The following MGAT4D variants were observed in gnomAD, a reference collection of about 807,000 sequenced individuals.
The protein encoded by MGAT4D is alpha-1,3-mannosyl-glycoprotein 4-beta-N-acetylglucosaminyltransferase-like protein MGAT4D.
MGAT4D carries 34 observed loss-of-function variants against 15.9 expected under a neutral mutation model. The observed-to-expected ratio is 2.14, with a 90% CI of 1.62 to 2.84. MGAT4D has a LOEUF of 2.84. MGAT4D is among the 30% of genes most tolerant of loss of function. MGAT4D has a pLI of 0.00. For missense variants in MGAT4D, 327 were observed against 140.2 expected (o/e 2.33, Z -6.73); for synonymous variants, 112 against 48.2 (o/e 2.33, Z -5.49).
At position 140,442,725 on chromosome 4, in the gene MGAT4D, C is replaced by T. The variant is rs1295087926; in HGVS notation, c.*711G>A. 9.2e-5 allele frequency: 14 copies of T among 151,998 alleles called. No homozygotes were observed. Among genetic ancestry groups the T allele is most frequent in the Non-Finnish European group, 2.9e-5 (2 of 67,968 alleles). The allele number at this position is 151,998 out of a possible 1,614,324, so 9.4% of individuals were successfully genotyped here. A position where few individuals can be genotyped will look rare whatever the true frequency, so the allele number is the denominator to read the frequency against. ...TGGAACACAAGGATTCACAACAATT[C>T]TCAAAATTTTATCACACAGGTAAAG... On this transcript the variant is annotated 3_prime_UTR_variant, in exon 11 of 11. Coordinates refer to ENST00000511113, the MANE Select transcript of MGAT4D (RefSeq NM_001277353.2).
chr4:140,481,134 C>G (rs1272572698), intron 2 of MGAT4D, among the ~76,000 whole-genome samples: 1 of 151,802 alleles, frequency 6.6e-6, no homozygotes, highest in East Asian at 1.9e-4. Flanking sequence ...ATAGAGAGAC[C>G]CCATCTCTAC....
chr4:140,446,746 T>G lies in MGAT4D; in HGVS notation c.1117-3302A>C, dbSNP rs1446941535. 2.6e-4 allele frequency among the ~76,000 whole-genome samples: 16 copies of G among 61,420 alleles called. No individual in the cohort carries two copies. In the East Asian group the frequency reaches 4.8e-3, roughly 18 times the overall value. 40.3% of individuals were successfully genotyped at this position (61,420 alleles called of 152,430 possible). On this transcript the variant is annotated intron_variant, in intron 10 of 10. Coordinates refer to ENST00000511113, the MANE Select transcript of MGAT4D (RefSeq NM_001277353.2). ...CTGGTTTGCTTTTGCTTCTCTAGTT[T>G]TTTTTTTTTTTTTTTTTTTTTTTTT...
chr4:140,471,804 TA>T lies in MGAT4D; in HGVS notation c.542del (p.Leu181TyrfsTer7), dbSNP rs1731982067. ...VLVADSNEDY[L>X]HSVVKMITKK... ...TTGTAATCATTTTAACAACAGAATG[TA>T]AATAATCTTCATTACTCTAAAAATG... On this transcript the variant is annotated frameshift_variant, in exon 5 of 11. Transcript: ENST00000511113. LOFTEE classifies it high-confidence loss of function. 2.0e-6 allele frequency: 1 copy of T among 497,276 alleles called. No individual in the cohort carries two copies. Among genetic ancestry groups the T allele is most frequent in the South Asian group, 2.3e-5 (1 of 43,322 alleles). The allele number at this position is 497,276 out of a possible 1,614,324, so 30.8% of individuals were successfully genotyped here.
intron 5 of MGAT4D, among the ~76,000 whole-genome samples, chr4:140,468,226 C>T (rs889676740): frequency 2.6e-5 from 4 of 151,976 alleles, no homozygotes; most frequent in African/African-American, 9.7e-5. Flanking sequence ...ATATAATTAT[C>T]ACCACTAGAA....
chr4:140,474,638 C>A (rs1431633388), intron 4 of MGAT4D, among the ~76,000 whole-genome samples, 175 bp downstream of exon 4: 2 of 152,112 alleles, frequency 1.3e-5, no homozygotes, highest in Non-Finnish European at 2.9e-5. Context: ...TCCTTCTCAG[C>A]AGTATCGAAG....
intron 7 of MGAT4D, among the ~76,000 whole-genome samples, chr4:140,461,241 A>G (rs1731151502): frequency 6.6e-6 from 1 of 152,188 alleles, no homozygotes; most frequent in African/African-American, 2.4e-5. Context: ...GCCACTAACT[A>G]GGAATCAAAA....
rs1405942445 is a variant in MGAT4D, at chr4:140,498,131, GT to G, written c.91del (p.Thr31ProfsTer5). On this transcript the variant is annotated frameshift_variant, in exon 1 of 11. Transcript: ENST00000511113. LOFTEE classifies it high-confidence loss of function. ...CGGGAGGAGGGCCCGCCGCTTACTGGTTTGAGTTATCCTGTAGATGGAGAAG... is the reference window on the plus strand; with the variant it reads ...CGGGAGGAGGGCCCGCCGCTTACTGGTTGAGTTATCCTGTAGATGGAGAAG... Reference protein sequence around the residue: ...SCFSIYRITQTNNQLINCRNH... With the variant: ...SCFSIYRITQXNNQLINCRNH... 2 of 700,640 alleles carry G rather than the reference GT, an allele frequency of 2.9e-6. No homozygotes were observed. The highest frequency in any genetic ancestry group is 5.2e-6 in the Non-Finnish European group (2 of 383,914). The allele number at this position is 700,640 out of a possible 1,614,324, so 43.4% of individuals were successfully genotyped here.
chr4:140,456,106 C>T (rs994240576), intron 9 of MGAT4D, among the ~76,000 whole-genome samples: 5 of 152,174 alleles, frequency 3.3e-5, no homozygotes, highest in African/African-American at 7.2e-5. Flanking sequence ...CCACTGCAAT[C>T]CAGCCTGGGC....
At chr4:140,446,286 T>C (rs75388115) in intron 10 of MGAT4D, among the ~76,000 whole-genome samples, 29,379 of 152,086 alleles carry the variant, frequency 0.19, 2,922 homozygotes, top group South Asian at 0.29. Flanking sequence ...TGGCTGTGAA[T>C]CTGTCTGGTC....
At chr4:140,446,125 T>TC (rs34389547) in intron 10 of MGAT4D, among the ~76,000 whole-genome samples, 105,108 of 150,686 alleles carry the variant, frequency 0.7, 37,701 homozygotes, top group Non-Finnish European at 0.8. Flanking sequence ...GGCCTGAAGT[T>TC]TTTTTGTTGT....
intron 5 of MGAT4D, among the ~76,000 whole-genome samples, chr4:140,469,732 G>A (rs1731788726): frequency 6.6e-6 from 1 of 152,158 alleles, no homozygotes; most frequent in Non-Finnish European, 1.5e-5. Flanking sequence ...CCTAAGGCTT[G>A]ATTGCATTCA....
intron 5 of MGAT4D, among the ~76,000 whole-genome samples, chr4:140,468,084 GA>G (rs1378713427): frequency 6.6e-6 from 1 of 151,294 alleles, no homozygotes; most frequent in Non-Finnish European, 1.5e-5. Flanking sequence ...ATTTAATAGT[GA>G]ATATTAAAAA....
intron 9 of MGAT4D, among the ~76,000 whole-genome samples, chr4:140,454,551 C>T (rs1730675433): frequency 6.6e-6 from 1 of 151,934 alleles, no homozygotes; most frequent in African/African-American, 2.4e-5. Context: ...GGATATGTGG[C>T]CTTGGTTTCC....
intron 5 of MGAT4D, among the ~76,000 whole-genome samples, chr4:140,467,450 T>C (rs561370888): frequency 6.6e-6 from 1 of 152,256 alleles, no homozygotes; most frequent in South Asian, 2.1e-4. Context: ...ACAAATTTTG[T>C]CCTCTAGAAA....
intron 10 of MGAT4D, among the ~76,000 whole-genome samples, chr4:140,449,503 T>C (rs553071558): frequency 1.3e-5 from 2 of 152,226 alleles, no homozygotes; most frequent in East Asian, 3.8e-4. Context: ...CTCACACCTG[T>C]AATCCCAGTG....
At chr4:140,456,509 G>T in intron 9 of MGAT4D, 80 bp downstream of exon 9, 2 of 462,446 alleles carry the variant, frequency 4.3e-6, no homozygotes, top group Middle Eastern at 3.8e-4. Context: ...GATTTGGTTT[G>T]GTAAACAAAT....
At chr4:140,461,299 T>C (rs1731155954) in intron 7 of MGAT4D, among the ~76,000 whole-genome samples, 1 of 152,188 alleles carries the variant, frequency 6.6e-6, no homozygotes, top group Non-Finnish European at 1.5e-5. Flanking sequence ...GCTTTAGGCC[T>C]TTCTCTAACT....
At chr4:140,478,876 GACA>G (rs1732514657) in intron 3 of MGAT4D, among the ~76,000 whole-genome samples, 1 of 151,810 alleles carries the variant, frequency 6.6e-6, no homozygotes, top group African/African-American at 2.4e-5. Flanking sequence ...AGCAGACATA[GACA>G]ACAAGTAAAT....
chr4:140,490,370 A>G (rs1733422973), intron 1 of MGAT4D, among the ~76,000 whole-genome samples: 2 of 152,196 alleles, frequency 1.3e-5, no homozygotes, highest in African/African-American at 4.8e-5. Context: ...CACACCCAGA[A>G]CCAAAGAATC....
Sources: gnomAD v4.1 joint callset for allele counts (sites outside exome capture counted in the v4.1 genomes callset) on GRCh38, gnomAD v4.1.1 for gene constraint, MANE v1.5 for transcripts, NCBI Gene and HGNC (gene_info 2026-07-23, HGNC 2026-07-21) for gene names.